The following FHAD1 variants were observed in gnomAD, a reference collection of about 807,000 sequenced individuals.
FHAD1 encodes the protein forkhead associated phosphopeptide binding domain 1.
In FHAD1, 146 loss-of-function variants were observed where a neutral mutation model predicts 191.3. That is an observed-to-expected ratio of 0.76 (90% CI 0.67 to 0.88). The LOEUF is 0.88. Ranked by LOEUF, FHAD1 falls within the 40% of genes least tolerant of loss-of-function variation. The probability of loss-of-function intolerance (pLI) is 0.00; values close to 1 mark genes in which losing one functional copy is unlikely to be tolerated. For missense variants in FHAD1, 1,635 were observed against 1,785.8 expected (o/e 0.92, Z 1.52); for synonymous variants, 616 against 672.3 (o/e 0.92, Z 1.29).
intron 2 of FHAD1, among the ~76,000 whole-genome samples, chr1:15,269,250 C>A (rs904533534): frequency 1.3e-5 from 2 of 152,120 alleles, no homozygotes; most frequent in African/African-American, 2.4e-5. Flanking sequence ...AAGGTAGAAA[C>A]TTTGATTATT....
intron 2 of FHAD1, among the ~76,000 whole-genome samples, chr1:15,259,603 G>A (rs1650023948): frequency 6.6e-6 from 1 of 152,150 alleles, no homozygotes; most frequent in Admixed American, 6.5e-5. Context: ...TCCTAGGTGG[G>A]GATTATCAGC....
intron 5 of FHAD1, 99 bp from the exon 6 acceptor site, chr1:15,301,106 A>T: frequency 2.0e-6 from 2 of 1,002,130 alleles, no homozygotes; most frequent in Non-Finnish European, 1.5e-6. Flanking sequence ...CTAGGATTAC[A>T]GGCGTGAGCC....
intron 4 of FHAD1, among the ~76,000 whole-genome samples, chr1:15,293,496 A>C (rs1038460961): frequency 6.6e-6 from 1 of 152,106 alleles, no homozygotes; most frequent in Admixed American, 6.5e-5. Flanking sequence ...AAGGAGGGCG[A>C]ATCACAAGGT....
intron 22 of FHAD1, among the ~76,000 whole-genome samples, chr1:15,362,002 CAAAA>C (rs796523025): frequency 9.9e-6 from 1 of 100,768 alleles, no homozygotes. Flanking sequence ...GACTCTGTCT[CAAAA>C]AAAAAAAAAA....
chr1:15,401,351 C>G (rs570336443), downstream of FHAD1, among the ~76,000 whole-genome samples: 5 of 152,182 alleles, frequency 3.3e-5, no homozygotes, highest in Non-Finnish European at 7.3e-5. Context: ...CTACACAGCC[C>G]CCACCCACTA....
At position 15,363,063 on chromosome 1, in the gene FHAD1, G is replaced by T. The variant is rs138706555; in HGVS notation, c.3047+337G>T. 3.1e-3 allele frequency among the ~76,000 whole-genome samples: 465 copies of T among 152,280 alleles called. 3 individuals are homozygous for T. The highest frequency in any genetic ancestry group is 9.7e-3 in the African/African-American group (404 of 41,538). ...TATTTATAGCAGAATACCCAAAACTGGGTAATTTATAAAGAAAAGAGATTC... is the reference window on the plus strand; with the variant it reads ...TATTTATAGCAGAATACCCAAAACTTGGTAATTTATAAAGAAAAGAGATTC... On this transcript the variant is annotated intron_variant, in intron 23 of 33. Coordinates refer to ENST00000688493, the MANE Select transcript of FHAD1 (RefSeq NM_001391957.1).
chr1:15,393,108 T>A (rs1442572871), intron 33 of FHAD1: 1 of 145,394 alleles, frequency 6.9e-6, no homozygotes, highest in African/African-American at 2.6e-5. Flanking sequence ...AGAGTCTTGC[T>A]CTATTGCCCA....
At chr1:15,391,564 G>C (rs1206464098) in intron 33 of FHAD1, among the ~76,000 whole-genome samples, 1 of 152,186 alleles carries the variant, frequency 6.6e-6, no homozygotes, top group Non-Finnish European at 1.5e-5. Flanking sequence ...AATCAGCCCT[G>C]GAACTGGAAT....
At chr1:15,348,366 A>G (rs187417204) in intron 18 of FHAD1, among the ~76,000 whole-genome samples, 7 of 152,218 alleles carry the variant, frequency 4.6e-5, no homozygotes, top group African/African-American at 1.2e-4. Context: ...GGCCCTTCTC[A>G]TGGTGACTGG....
At chr1:15,291,528 G>T (rs1057465896) in intron 4 of FHAD1, among the ~76,000 whole-genome samples, 1 of 152,138 alleles carries the variant, frequency 6.6e-6, no homozygotes, top group African/African-American at 2.4e-5. Context: ...ATTAACTGGA[G>T]TTCAACAGTT....
At chr1:15,298,367 G>C (rs1387854346) in intron 5 of FHAD1, among the ~76,000 whole-genome samples, 1 of 152,176 alleles carries the variant, frequency 6.6e-6, no homozygotes, top group South Asian at 2.1e-4. Flanking sequence ...GTAGACTTTG[G>C]GGATTTAGGG....
At chr1:15,361,861 C>T (rs767883802) in intron 22 of FHAD1, among the ~76,000 whole-genome samples, 2 of 152,004 alleles carry the variant, frequency 1.3e-5, no homozygotes, top group Admixed American at 6.6e-5. Context: ...AAAAATTAGC[C>T]GGGCCTGGTG....
At chr1:15,323,676 T>C (rs1677146520) in intron 10 of FHAD1, among the ~76,000 whole-genome samples, 1 of 152,184 alleles carries the variant, frequency 6.6e-6, no homozygotes, top group Non-Finnish European at 1.5e-5. Flanking sequence ...AAAATGTTCA[T>C]GGTTCAGACA....
At chr1:15,348,954 C>T in intron 18 of FHAD1, 88 bp from the exon 19 acceptor site, 2 of 867,306 alleles carry the variant, frequency 2.3e-6, no homozygotes, top group Non-Finnish European at 3.6e-6. Flanking sequence ...GTTATTGTTA[C>T]TATTATTATT....
In FHAD1 at chr1:15,311,714, C is replaced by A. The variant is rs1246422918; in HGVS notation, c.1040-1343C>A. Among the ~76,000 whole-genome samples, 1 of 152,184 alleles carries A rather than the reference C, an allele frequency of 6.6e-6. No homozygotes were observed. The highest frequency in any genetic ancestry group is 1.9e-4 in the East Asian group (1 of 5,204). On this transcript the variant is annotated intron_variant, in intron 7 of 33. Coordinates refer to ENST00000688493, the MANE Select transcript of FHAD1 (RefSeq NM_001391957.1). This position sits in a 1 kb window ranked among gnomAD's most constrained non-coding sequence, Gnocchi z 4.1. The stretch of plus-strand genomic sequence containing the variant: ...CTAAGAAAAGGACCGTATGAGATAA[C>A]CCAATACCACTGCATTATGCACCCT...
chr1:15,272,664 G>T (rs6703580), intron 3 of FHAD1, 135 bp downstream of exon 3: 440,544 of 774,696 alleles, frequency 0.57, 129,748 homozygotes, highest in East Asian at 0.95. Flanking sequence ...AGCAGAGACA[G>T]AGTGGACCCT....
chr1:15,302,979 G>A (rs1313170005), intron 6 of FHAD1, among the ~76,000 whole-genome samples: 1 of 152,200 alleles, frequency 6.6e-6, no homozygotes, highest in Non-Finnish European at 1.5e-5. Flanking sequence ...ACTCCACAAG[G>A]GCAAGGGCTG....
At chr1:15,308,018 C>G (rs1671057590) in intron 6 of FHAD1, among the ~76,000 whole-genome samples, 1 of 152,232 alleles carries the variant, frequency 6.6e-6, no homozygotes, top group Non-Finnish European at 1.5e-5. Flanking sequence ...GCGTGAGCCA[C>G]TGCGCCCGGC....
chr1:15,355,082 G>A (rs913528462), intron 20 of FHAD1, among the ~76,000 whole-genome samples: 2 of 152,108 alleles, frequency 1.3e-5, no homozygotes, highest in Non-Finnish European at 2.9e-5. Context: ...GGTGGTGCAT[G>A]CTTGTAATCC....
Sources: allele counts gnomAD v4.1 joint callset (sites outside exome capture counted in the v4.1 genomes callset), GRCh38; gene constraint gnomAD v4.1.1; non-coding constraint Gnocchi (gnomAD v3.1); transcripts MANE v1.5; gene names NCBI Gene and HGNC (gene_info 2026-07-23, HGNC 2026-07-21).